PPP3R1: variants seen among roughly 807,000 people sequenced by gnomAD.
PPP3R1 encodes protein phosphatase 3 regulatory subunit B, alpha, also known as calcineurin subunit B type 1.
A neutral mutation model predicts 22.6 loss-of-function variants in PPP3R1; 5 were observed. The observed-to-expected ratio is 0.22, with a 90% confidence interval of 0.12 to 0.46. The LOEUF (loss-of-function observed/expected upper bound fraction) is 0.46, where lower values mean the gene tolerates loss of function less well. PPP3R1 is among the 20% of genes least tolerant of loss of function. PPP3R1 has a pLI of 0.99. For synonymous variants in PPP3R1, 56 were observed against 65.2 expected, an observed-to-expected ratio of 0.86 and a Z score of 0.68; for missense variants, 61 against 203.2, an observed-to-expected ratio of 0.30 and a Z score of 4.25.
chr2:68,201,182 T>C (rs919729032), intron 2 of PPP3R1, among the ~76,000 whole-genome samples: 14 of 152,190 alleles, frequency 9.2e-5, no homozygotes, highest in African/African-American at 2.7e-4. Flanking sequence ...ACTGTTCCTA[T>C]GTGATGTTGC....
At chr2:68,207,108 A>AG (rs1675143304) in intron 2 of PPP3R1, among the ~76,000 whole-genome samples, 1 of 113,754 alleles carries the variant, frequency 8.8e-6, no homozygotes, top group Admixed American at 9.6e-5. Flanking sequence ...TTGGGAAAAA[A>AG]AAAAGCAAAA....
intron 2 of PPP3R1, among the ~76,000 whole-genome samples, chr2:68,197,662 G>C (rs1327574763): frequency 6.6e-6 from 1 of 151,390 alleles, no homozygotes; most frequent in African/African-American, 2.4e-5. Flanking sequence ...TTAGTGAATT[G>C]TGCTTTTAAA....
At chr2:68,222,278 T>C (rs1305788247) in intron 1 of PPP3R1, among the ~76,000 whole-genome samples, 4 of 152,178 alleles carry the variant, frequency 2.6e-5, no homozygotes, top group Non-Finnish European at 4.4e-5. Flanking sequence ...ATATTAAAGA[T>C]GTATATTGTA....
chr2:68,231,642 T>C (rs1669902609), intron 1 of PPP3R1, among the ~76,000 whole-genome samples: 1 of 152,204 alleles, frequency 6.6e-6, no homozygotes, highest in Non-Finnish European at 1.5e-5. Context: ...AAAATACGTG[T>C]AGTTATTGGT....
chr2:68,216,991 T>C (rs1669591065), intron 2 of PPP3R1, 101 bp downstream of exon 2: 2 of 838,586 alleles, frequency 2.4e-6, no homozygotes, highest in African/African-American at 1.8e-5. Context: ...GGTAAGTAAA[T>C]ATACATTACA....
chr2:68,191,469 G>C (rs2103727470), intron 2 of PPP3R1, among the ~76,000 whole-genome samples: 1 of 152,286 alleles, frequency 6.6e-6, no homozygotes, highest in Non-Finnish European at 1.5e-5. Context: ...GGAGCTTGTG[G>C]GACAGAAGCT....
chr2:68,225,603 C>T (rs769176777), intron 1 of PPP3R1, among the ~76,000 whole-genome samples: 31 of 152,138 alleles, frequency 2.0e-4, no homozygotes, highest in Non-Finnish European at 3.4e-4. Context: ...TTCTGATTTG[C>T]AGAACTATGA....
intron 1 of PPP3R1, among the ~76,000 whole-genome samples, chr2:68,226,646 T>C: frequency 6.6e-6 from 1 of 152,156 alleles, no homozygotes; most frequent in East Asian, 1.9e-4. Context: ...TCTCCTTCCC[T>C]GATTTTAAAC....
chr2:68,242,685 G>C (rs777316315), intron 1 of PPP3R1, among the ~76,000 whole-genome samples: 8 of 152,102 alleles, frequency 5.3e-5, no homozygotes, highest in Non-Finnish European at 1.0e-4. Flanking sequence ...TGTTTTTCCT[G>C]AGATTCCAAT....
At chr2:68,206,205 A>G (rs532404710) in intron 2 of PPP3R1, among the ~76,000 whole-genome samples, 17 of 152,354 alleles carry the variant, frequency 1.1e-4, no homozygotes, top group Non-Finnish European at 2.4e-4. Context: ...CGACTGTGTT[A>G]TAAACTGAAG....
chr2:68,189,302 A>C (rs1308167398), intron 2 of PPP3R1, among the ~76,000 whole-genome samples: 2 of 152,200 alleles, frequency 1.3e-5, no homozygotes, highest in Non-Finnish European at 2.9e-5. Flanking sequence ...TGAGCAAATA[A>C]GCCAGTTTTT....
At position 68,180,887 on chromosome 2, in the gene PPP3R1, A is replaced by G. The variant is rs1674386590; in HGVS notation, c.*76T>C. On this transcript the variant is annotated 3_prime_UTR_variant, in exon 6 of 6. Coordinates refer to ENST00000234310, the MANE Select transcript of PPP3R1 (RefSeq NM_000945.4). The stretch of plus-strand genomic sequence containing the variant: ...ACTTCCATTTAAATACACAGAGAGC[A>G]TTGCTGGACGTCTTGAGCAGATCTT... The G allele has an allele frequency of 7.1e-7, 1 of 1,409,470 alleles. No homozygotes were observed. The highest frequency in any genetic ancestry group is 1.0e-6 in the Non-Finnish European group (1 of 1,002,124). The allele number at this position is 1,409,470 out of a possible 1,614,324, so 87.3% of individuals were successfully genotyped here.
intron 2 of PPP3R1, among the ~76,000 whole-genome samples, chr2:68,203,572 G>T (rs929193148): frequency 6.7e-6 from 1 of 150,256 alleles, no homozygotes; most frequent in African/African-American, 2.5e-5. Context: ...TTGCACTCCA[G>T]CCTGGGCAAC....
At chr2:68,188,097 G>T (rs1456482679) in intron 3 of PPP3R1, among the ~76,000 whole-genome samples, 2 of 152,174 alleles carry the variant, frequency 1.3e-5, no homozygotes, top group Non-Finnish European at 2.9e-5. Context: ...TTGAACTCAG[G>T]AGGCGGAGGC....
At chr2:68,238,761 T>G (rs573723847) in intron 1 of PPP3R1, among the ~76,000 whole-genome samples, 12 of 152,202 alleles carry the variant, frequency 7.9e-5, no homozygotes, top group African/African-American at 2.9e-4. Flanking sequence ...GCAATGGGGA[T>G]GAAGAAGTAG....
chr2:68,205,464 G>T (rs750760071), intron 2 of PPP3R1, among the ~76,000 whole-genome samples: 1 of 151,908 alleles, frequency 6.6e-6, no homozygotes, highest in Admixed American at 6.6e-5. Context: ...GGCTGGTCTC[G>T]AACTCAGGTG....
intron 1 of PPP3R1, among the ~76,000 whole-genome samples, chr2:68,242,985 G>C (rs1390563387): frequency 1.3e-5 from 2 of 152,108 alleles, no homozygotes; most frequent in East Asian, 3.9e-4. Context: ...AAAAAGAGCT[G>C]GTCAACGCAC....
At chr2:68,204,763 C>G (rs1311871659) in intron 2 of PPP3R1, among the ~76,000 whole-genome samples, 1 of 152,226 alleles carries the variant, frequency 6.6e-6, no homozygotes, top group Non-Finnish European at 1.5e-5. Context: ...ACCAGGTTTT[C>G]CCAAAGGTAT....
At chr2:68,237,126 A>C (rs1302242035) in intron 1 of PPP3R1, among the ~76,000 whole-genome samples, 8 of 151,944 alleles carry the variant, frequency 5.3e-5, no homozygotes, top group Non-Finnish European at 1.2e-4. Flanking sequence ...ACTTGTAGCC[A>C]AAAATATCCT....
Sources: allele counts gnomAD v4.1 joint callset (sites outside exome capture counted in the v4.1 genomes callset), GRCh38; gene constraint gnomAD v4.1.1; transcripts MANE v1.5; gene names NCBI Gene and HGNC (gene_info 2026-07-23, HGNC 2026-07-21).